ADCY1: variants seen among roughly 807,000 people sequenced by gnomAD.
ADCY1 encodes the protein adenylate cyclase type 1.
A neutral mutation model predicts 105.4 loss-of-function variants in ADCY1; 28 were observed. The ratio of observed to expected loss-of-function variants is 0.27; its 90% CI spans 0.20 to 0.36. The LOEUF is 0.36. Ranked by LOEUF, ADCY1 falls within the 10% of genes least tolerant of loss-of-function variation. The pLI, the probability that ADCY1 is intolerant of heterozygous loss-of-function variation, is 1.00. For synonymous variants in ADCY1, 655 were observed against 623.8 expected (o/e 1.05, Z -0.75); for missense variants, 977 against 1,434.2 (o/e 0.68, Z 5.15).
chr7:45,664,203 C>G, intron 8 of ADCY1: 3 of 1,241,398 alleles, frequency 2.4e-6, no homozygotes, highest in Non-Finnish European at 3.4e-6. Flanking sequence ...CACCGTTGGG[C>G]CTAGGAGAAG....
At chr7:45,576,283 G>T (rs1231762550) in intron 1 of ADCY1, among the ~76,000 whole-genome samples, 1 of 152,086 alleles carries the variant, frequency 6.6e-6, no homozygotes, top group East Asian at 1.9e-4. Flanking sequence ...CCGGCCCCGG[G>T]GGACCAGCAC....
intron 8 of ADCY1, among the ~76,000 whole-genome samples, chr7:45,676,836 G>A: frequency 7.0e-6 from 1 of 143,410 alleles, no homozygotes; most frequent in East Asian, 2.1e-4. Context: ...TGGGGCCACA[G>A]ATTTTTTTTT....
chr7:45,713,681 C>A lies in ADCY1; in HGVS notation c.3058-12C>A. On this transcript the variant is annotated splice_polypyrimidine_tract_variant and intron_variant, in intron 19 of 19. Coordinates refer to ENST00000297323, the MANE Select transcript of ADCY1 (RefSeq NM_021116.4). ...TTGCCCTGAAGTAACACTCACTTCT[C>A]TCCATCAACAGGTGACTGAGGAAGT... 1 of 776,874 alleles carries A rather than the reference C, an allele frequency of 1.3e-6. No homozygotes were observed. The allele number at this position is 776,874 out of a possible 1,614,324, so 48.1% of individuals were successfully genotyped here. A position where few individuals can be genotyped will look rare whatever the true frequency, so the allele number is the denominator to read the frequency against.
chr7:45,662,670 G>C (rs973827434), intron 8 of ADCY1, among the ~76,000 whole-genome samples: 1 of 152,042 alleles, frequency 6.6e-6, no homozygotes, highest in African/African-American at 2.4e-5. Flanking sequence ...GCAGGAGCTC[G>C]CTGCCTGCAG....
chr7:45,624,746 G>A (rs1367746858), intron 4 of ADCY1, among the ~76,000 whole-genome samples: 1 of 152,138 alleles, frequency 6.6e-6, no homozygotes, highest in Non-Finnish European at 1.5e-5. Flanking sequence ...TGTGTCCTGG[G>A]CCTGCTCCTT....
chr7:45,642,080 A>G lies in ADCY1; in HGVS notation c.1021-6590A>G, dbSNP rs796520736. Reference sequence around the variant, plus strand: ...CAGACAGTCCCGTGCCATTGAGGGAAGTTTATTACTCACAGCCTGTAGACC... The same window carrying G: ...CAGACAGTCCCGTGCCATTGAGGGAGGTTTATTACTCACAGCCTGTAGACC... On this transcript the variant is annotated intron_variant, in intron 4 of 19. Transcript: ENST00000297323. Among the ~76,000 whole-genome samples, 15 of 152,074 alleles carry G rather than the reference A, an allele frequency of 9.9e-5. No individual in the cohort carries two copies. In the South Asian group the frequency reaches 2.5e-3, roughly 25 times the overall value.
At chr7:45,707,737 A>G (rs150681441) in intron 17 of ADCY1, among the ~76,000 whole-genome samples, 17 of 152,320 alleles carry the variant, frequency 1.1e-4, no homozygotes, top group African/African-American at 3.4e-4. Context: ...GATGTTAACA[A>G]TAGGCGAAAC....
At chr7:45,704,109 C>T (rs1206256446) in intron 16 of ADCY1, among the ~76,000 whole-genome samples, 3 of 151,422 alleles carry the variant, frequency 2.0e-5, no homozygotes, top group Non-Finnish European at 2.9e-5. Flanking sequence ...CAGGCGGGCA[C>T]CCTTGTCTAC....
intron 5 of ADCY1, among the ~76,000 whole-genome samples, chr7:45,654,858 G>A (rs1362128054): frequency 6.6e-6 from 1 of 152,094 alleles, no homozygotes; most frequent in Non-Finnish European, 1.5e-5. Context: ...TTACAGTTAG[G>A]GAAACTGAGT....
At chr7:45,614,640 GCTGT>G (rs1793688795) in intron 3 of ADCY1, among the ~76,000 whole-genome samples, 1 of 152,176 alleles carries the variant, frequency 6.6e-6, no homozygotes, top group Non-Finnish European at 1.5e-5. Context: ...CTAACTATAT[GCTGT>G]CTATTTAAGG....
At chr7:45,605,189 C>T (rs1213916902) in intron 2 of ADCY1, among the ~76,000 whole-genome samples, 3 of 152,094 alleles carry the variant, frequency 2.0e-5, no homozygotes, top group African/African-American at 7.2e-5. Context: ...ACCTTCTGAA[C>T]TTAATTATTT....
At chr7:45,599,339 C>G (rs1296948552) in intron 2 of ADCY1, among the ~76,000 whole-genome samples, 2 of 151,950 alleles carry the variant, frequency 1.3e-5, no homozygotes, top group East Asian at 3.9e-4. Flanking sequence ...GTCTTGTTCC[C>G]CTGTGGCTGG....
intron 2 of ADCY1, among the ~76,000 whole-genome samples, chr7:45,608,209 G>A (rs1793433291): frequency 6.6e-6 from 1 of 152,342 alleles, no homozygotes; most frequent in South Asian, 2.1e-4. Flanking sequence ...GTGATGATGA[G>A]CATTTTTTCA....
At chr7:45,615,568 C>T (rs1793715996) in intron 3 of ADCY1, among the ~76,000 whole-genome samples, 1 of 152,172 alleles carries the variant, frequency 6.6e-6, no homozygotes, top group Non-Finnish European at 1.5e-5. Flanking sequence ...CACTCTACTC[C>T]AGCAGCCTGG....
intron 1 of ADCY1, among the ~76,000 whole-genome samples, chr7:45,584,015 A>G (rs1340035763): frequency 7.3e-6 from 1 of 136,640 alleles, no homozygotes; most frequent in Non-Finnish European, 1.5e-5. Context: ...TGGCATTATC[A>G]TGGTTCACTG....
chr7:45,635,598 C>CTTTTTTTTTTTTT (rs1554322107), intron 4 of ADCY1, among the ~76,000 whole-genome samples: 1 of 31,430 alleles, frequency 3.2e-5, no homozygotes, highest in African/African-American at 1.4e-4. Context: ...TCTAATTTCT[C>CTTTTTTTTTTTTT]TTGTTTTTTT....
intron 2 of ADCY1, among the ~76,000 whole-genome samples, chr7:45,599,264 C>G (rs1793156518): frequency 6.6e-6 from 1 of 152,014 alleles, no homozygotes; most frequent in East Asian, 1.9e-4. Context: ...TGAGGACCGT[C>G]AAAAGTGGTG....
rs1346145538 is a variant in ADCY1, at chr7:45,575,083, C to T, written c.540C>T (p.Arg180=). 1 of 1,612,694 alleles carries T rather than the reference C, an allele frequency of 6.2e-7. No individual in the cohort carries two copies. Among genetic ancestry groups the T allele is most frequent in the African/African-American group, 1.3e-5 (1 of 74,950 alleles). ...TGTCCTATGCCTTGCTGCCCGTGCG[C>T]AGCCTGCTGGCCATAGGCTTTGGGC... ...TFVSYALLPV[R]SLLAIGFGLV... Residue 180 remains arginine (R), a synonymous_variant, in exon 1 of 20, where the codon CGC becomes CGT. Transcript: ENST00000297323. This position sits in a 1 kb window ranked among gnomAD's most constrained non-coding sequence, Gnocchi z 4.7.
At chr7:45,699,690 A>C (rs1319963905) in intron 14 of ADCY1, among the ~76,000 whole-genome samples, 1 of 152,024 alleles carries the variant, frequency 6.6e-6, no homozygotes, top group African/African-American at 2.4e-5. Context: ...GGAAAGTGGG[A>C]AATACTCCAG....
Sources: allele counts gnomAD v4.1 joint callset (sites outside exome capture counted in the v4.1 genomes callset), GRCh38; gene constraint gnomAD v4.1.1; non-coding constraint Gnocchi (gnomAD v3.1); transcripts MANE v1.5; gene names NCBI Gene and HGNC (gene_info 2026-07-23, HGNC 2026-07-21).